RRP9: variants seen among roughly 807,000 people sequenced by gnomAD.
The protein encoded by RRP9 is U3 small nucleolar RNA-interacting protein 2.
RRP9 carries 35 observed loss-of-function variants against 65.5 expected under a neutral mutation model. The observed-to-expected ratio is 0.53, with a 90% CI of 0.41 to 0.71. The LOEUF (loss-of-function observed/expected upper bound fraction) is 0.71, where lower values mean the gene tolerates loss of function less well. RRP9 is among the 30% of genes least tolerant of loss of function. The pLI is 0.00. For synonymous variants in RRP9, 254 were observed against 245.0 expected, an observed-to-expected ratio of 1.04 and a Z score of -0.34; for missense variants, 533 against 633.6, an observed-to-expected ratio of 0.84 and a Z score of 1.70.
Position 51,937,757 on chromosome 3 carries a change from C to G in RRP9, c.281-21G>C. ...CTCCTCTGTGCAGGACAGACCAGAC[C>G]AAGTAAACTGAGGCTGAGACCCCTC... is the stretch of plus-strand genomic sequence containing the variant. On this transcript the variant is annotated intron_variant, in intron 3 of 14. Transcript: ENST00000232888. The surrounding 1 kb of genome is among the most constrained non-coding windows in gnomAD (Gnocchi z 5.0). 6.2e-7 allele frequency: 1 copy of G among 1,613,502 alleles called. No homozygotes were observed. Among genetic ancestry groups the G allele is most frequent in the Non-Finnish European group, 8.5e-7 (1 of 1,179,822 alleles).
rs1406426568 is a variant in RRP9 at position 51,933,494 on chromosome 3, A to G, written c.*12T>C. 1 of 1,606,554 alleles carries G rather than the reference A, an allele frequency of 6.2e-7. No homozygotes were observed. The highest frequency in any genetic ancestry group is 2.2e-5 in the East Asian group (1 of 44,812). ...TAGCCTGGGAAGGACTTAAATAAGG[A>G]GGATAAGAGTGTCAGGAACCAGCAG... On this transcript the variant is annotated 3_prime_UTR_variant, in exon 15 of 15. Coordinates refer to ENST00000232888, the MANE Select transcript of RRP9 (RefSeq NM_004704.5).
In RRP9 at chr3:51,937,819, G is replaced by A; in HGVS notation, c.281-83C>T. 6.6e-7 allele frequency: 1 copy of A among 1,525,398 alleles called. No individual in the cohort carries two copies. 94.5% of individuals were successfully genotyped at this position (1,525,398 alleles called of 1,614,324 possible). A position where few individuals can be genotyped will look rare whatever the true frequency, so the allele number is the denominator to read the frequency against. On this transcript the variant is annotated intron_variant, in intron 3 of 14. Transcript: ENST00000232888. The surrounding 1 kb of genome is among the most constrained non-coding windows in gnomAD (Gnocchi z 5.0). ...TCCTGTCCCCATCCCACTGCCCCAG[G>A]GCTGGATAATGCAGGAAGCTCCAGC...
Position 51,933,713 on chromosome 3 carries a change from C to G in RRP9, c.1329G>C (p.Glu443Asp). 6.2e-7 allele frequency: 1 copy of G among 1,614,078 alleles called. No homozygotes were observed. Among genetic ancestry groups the G allele is most frequent in the Non-Finnish European group, 8.5e-7 (1 of 1,179,970 alleles). ...GDFLVAGVGQ[E>D]HRLGRWWRIK... The stretch of plus-strand genomic sequence containing the variant: ...CCCTCGAGGGCCACACATACCTGTG[C>G]TCCTGCCCTACCCCAGCCACCAGGA... The change falls in exon 14 of 15, where the codon GAG becomes GAC. Residue 443 changes from glutamate (E) to aspartate (D), a missense_variant. Around this residue, in one of 3 missense-constraint regions of RRP9, gnomAD observed 449 missense variants for 550.6 expected, o/e 0.82. Transcript: ENST00000232888.
intron 2 of RRP9, among the ~76,000 whole-genome samples, chr3:51,941,018 C>G (rs1699516914): frequency 6.6e-6 from 1 of 152,246 alleles, no homozygotes; most frequent in Non-Finnish European, 1.5e-5. Flanking sequence ...CTGCCTATCT[C>G]TGCACTTCCA....
chr3:51,934,478 G>T lies in RRP9; in HGVS notation c.1254C>A (p.Ile418=), dbSNP rs1193479001. 6.2e-7 allele frequency: 1 copy of T among 1,613,448 alleles called. No homozygotes were observed. Among genetic ancestry groups the T allele is most frequent in the Non-Finnish European group, 8.5e-7 (1 of 1,179,610 alleles). Residue 418 remains isoleucine (I), a synonymous_variant, in exon 13 of 15, where the codon ATC becomes ATA. Coordinates refer to ENST00000232888, the MANE Select transcript of RRP9 (RefSeq NM_004704.5). This position sits in a 1 kb window ranked among gnomAD's most constrained non-coding sequence, Gnocchi z 4.1. The stretch of plus-strand genomic sequence containing the variant: ...TTCAAGCACACTCACTCACCAGGGG[G>T]ATGTCACAGAGAAGGTCAAGCTGCC... ...GFRQLDLLCD[I]PLVGFINSLK...
Position 51,934,455 on chromosome 3 carries a change from C to G in RRP9, c.1260+17G>C. The G allele has an allele frequency of 6.2e-7, 1 of 1,608,674 alleles. No homozygotes were observed. The highest frequency in any genetic ancestry group is 1.3e-5 in the African/African-American group (1 of 74,986). On this transcript the variant is annotated intron_variant, in intron 13 of 14. Coordinates refer to ENST00000232888, the MANE Select transcript of RRP9 (RefSeq NM_004704.5). The surrounding 1 kb of genome is among the most constrained non-coding windows in gnomAD (Gnocchi z 4.1). ...GTGTGGCAGAGACAGGCTGAGCATT[C>G]AAGCACACTCACTCACCAGGGGGAT...
In RRP9 at chr3:51,936,441, C is replaced by A. The variant is rs1333696273; in HGVS notation, c.632G>T (p.Gly211Val). 5.0e-6 allele frequency: 8 copies of A among 1,614,234 alleles called. No individual in the cohort carries two copies. Among genetic ancestry groups the A allele is most frequent in the Non-Finnish European group, 6.8e-6 (8 of 1,180,044 alleles). The change falls in exon 7 of 15, where the codon GGC becomes GTC. Residue 211 changes from glycine (G) to valine (V), a missense_variant. By Grantham distance (109) the Gly-to-Val change is moderately radical (BLOSUM62 -3). Transcript: ENST00000232888. ...CCAACCTGGCCTTACAAGGTACTTG[C>A]CGTCGGAGGAGATGGCCATGCAGAG... ...HVLCMAISSDGKYLASGDRSK... is the reference protein window; with the variant it reads ...HVLCMAISSDVKYLASGDRSK...
chr3:51,937,969 C>T lies in RRP9; in HGVS notation c.280+126G>A. ...GGCCACCCCCACAGGGCAGCCAGCA[C>T]TGACAGCCTGGGCACCCACTGGGAA... On this transcript the variant is annotated intron_variant, in intron 3 of 14. Coordinates refer to ENST00000232888, the MANE Select transcript of RRP9 (RefSeq NM_004704.5). This position sits in a 1 kb window ranked among gnomAD's most constrained non-coding sequence, Gnocchi z 5.0. The T allele has an allele frequency of 3.0e-6, 3 of 993,704 alleles. No homozygotes were observed. The highest frequency in any genetic ancestry group is 4.5e-6 in the Non-Finnish European group (3 of 671,510). The allele number at this position is 993,704 out of a possible 1,614,324, so 61.6% of individuals were successfully genotyped here. A position where few individuals can be genotyped will look rare whatever the true frequency, so the allele number is the denominator to read the frequency against.
intron 2 of RRP9, among the ~76,000 whole-genome samples, chr3:51,939,648 A>G (rs567318558): frequency 1.3e-5 from 2 of 152,350 alleles, no homozygotes; most frequent in Non-Finnish European, 2.9e-5. Context: ...GCATGTTACT[A>G]TATGTAAATT....
Position 51,933,494 on chromosome 3 carries a change from AG to A in RRP9, c.*11del. The A allele has an allele frequency of 6.2e-7, 1 of 1,606,554 alleles. No individual in the cohort carries two copies. Among genetic ancestry groups the A allele is most frequent in the Non-Finnish European group, 8.5e-7 (1 of 1,173,522 alleles). ...TAGCCTGGGAAGGACTTAAATAAGG[AG>A]GATAAGAGTGTCAGGAACCAGCAGC... On this transcript the variant is annotated 3_prime_UTR_variant, in exon 15 of 15. Transcript: ENST00000232888.
chr3:51,938,180 C>G lies in RRP9; in HGVS notation c.195G>C (p.Glu65Asp). The change falls in exon 3 of 15, where the codon GAG becomes GAC. Residue 65 changes from glutamate (E) to aspartate (D), a missense_variant. Around this residue, in one of 3 missense-constraint regions of RRP9, gnomAD observed 449 missense variants for 550.6 expected, o/e 0.82. Coordinates refer to ENST00000232888, the MANE Select transcript of RRP9 (RefSeq NM_004704.5). The stretch of plus-strand genomic sequence containing the variant: ...TTTCCTCCAGCTCCTCCTCCTCCTC[C>G]TCCTCAGGCTTCCTTGGAGCTAGGC... ...SESLAPRKPEEEEEEELEETA... is the reference protein window; with the variant it reads ...SESLAPRKPEDEEEEELEETA... The G allele has an allele frequency of 1.3e-6, 2 of 1,579,268 alleles. No homozygotes were observed. The highest frequency in any genetic ancestry group is 1.7e-6 in the Non-Finnish European group (2 of 1,165,274).
intron 9 of RRP9, 29 bp downstream of exon 9, chr3:51,935,559 ACCAT>A: frequency 2.5e-6 from 4 of 1,613,140 alleles, no homozygotes; most frequent in Non-Finnish European, 3.4e-6. Context: ...CCTCTCTCAC[ACCAT>A]CCACACACCC....
At chr3:51,940,875 T>C (rs545015528) in intron 2 of RRP9, among the ~76,000 whole-genome samples, 5 of 152,302 alleles carry the variant, frequency 3.3e-5, no homozygotes, top group Non-Finnish European at 4.4e-5. Context: ...CTCTGATCAC[T>C]GAATGCCTTC....
chr3:51,939,168 C>T (rs1699489016), intron 2 of RRP9, among the ~76,000 whole-genome samples: 1 of 152,184 alleles, frequency 6.6e-6, no homozygotes, highest in Non-Finnish European at 1.5e-5. Flanking sequence ...TCCCAAGACT[C>T]ACTCGTAAAC....
intron 2 of RRP9, among the ~76,000 whole-genome samples, chr3:51,940,343 A>T (rs1699506187): frequency 6.6e-6 from 1 of 152,148 alleles, no homozygotes; most frequent in Non-Finnish European, 1.5e-5. Context: ...AAGTCAACTC[A>T]TAGGGAAGGC....
intron 11 of RRP9, 142 bp downstream of exon 11, chr3:51,935,055 C>G (rs1026756816): frequency 1.1e-6 from 1 of 909,558 alleles, no homozygotes; most frequent in Non-Finnish European, 1.7e-6. Flanking sequence ...CATCTGAGCT[C>G]TCTGCCTCAT....
rs771469242 is a variant in RRP9, at chr3:51,934,643, G to A, written c.1168C>T (p.Leu390Phe). The A allele has an allele frequency of 5.6e-6, 9 of 1,614,002 alleles. No homozygotes were observed. The Admixed American group carries it at 1.5e-4, about 27-fold the overall frequency. The change falls in exon 12 of 15, where the codon CTT becomes TTT. Residue 390 changes from leucine to phenylalanine, a missense_variant. By Grantham distance (22) the Leu-to-Phe change is conservative. This residue lies in a region of RRP9 where 449 missense variants were observed against 550.6 expected (regional missense o/e 0.82). Coordinates refer to ENST00000232888, the MANE Select transcript of RRP9 (RefSeq NM_004704.5). This position sits in a 1 kb window ranked among gnomAD's most constrained non-coding sequence, Gnocchi z 4.1. Reference sequence around the variant, plus strand: ...TCAGGGCACCCACCTGTGGCCACAAGGTCTGTGTTGAGGAGGGCTGCCACC... The same window carrying A: ...TCAGGGCACCCACCTGTGGCCACAAAGTCTGTGTTGAGGAGGGCTGCCACC... The part of the protein sequence containing the change: ...SSVAALLNTD[L>F]VATGSHSSCV...
chr3:51,941,672 G>A (rs1699535201), intron 1 of RRP9, 109 bp downstream of exon 1: 4 of 1,151,922 alleles, frequency 3.5e-6, no homozygotes, highest in African/African-American at 3.1e-5. Flanking sequence ...ACTCCAGCAG[G>A]GGTCCAGGGC....
chr3:51,940,537 T>TA (rs944860643), intron 2 of RRP9, among the ~76,000 whole-genome samples: 7 of 152,128 alleles, frequency 4.6e-5, no homozygotes, highest in Non-Finnish European at 4.4e-5. Flanking sequence ...GGTTTTTTTT[T>TA]AGAGACAGGA....
Sources: allele counts gnomAD v4.1 joint callset (sites outside exome capture counted in the v4.1 genomes callset), GRCh38; gene constraint gnomAD v4.1.1; regional missense constraint gnomAD v4.1.1; non-coding constraint Gnocchi (gnomAD v3.1); transcripts MANE v1.5; gene names NCBI Gene and HGNC (gene_info 2026-07-23, HGNC 2026-07-21).